ESPNL: variants seen among roughly 807,000 people sequenced by gnomAD.
The protein encoded by ESPNL is espin like, also known as espin-like protein.
Under a neutral mutation model 46.8 loss-of-function variants are expected in ESPNL, and 49 were observed. The ratio of observed to expected loss-of-function variants is 1.05; its 90% CI spans 0.83 to 1.33. The LOEUF (loss-of-function observed/expected upper bound fraction) is 1.33. Ranked by LOEUF, ESPNL falls within the 40% of genes most tolerant of loss-of-function variation. The pLI is 0.00. For missense variants in ESPNL, 1,540 were observed against 1,436.6 expected (o/e 1.07, Z -1.16); for synonymous variants, 664 against 662.1 (o/e 1.00, Z -0.04).
chr2:238,101,947 G>A lies in ESPNL; in HGVS notation c.301G>A (p.Asp101Asn). ...CCTACCCGGGGCTTGGTAGGACCAA[G>A]ATGCCTCGGGCGTCTCCCCGCTGCA... ...REGGCGLQDQ[D>N]ASGVSPLHLA... The change falls in exon 2 of 9, where the codon GAT becomes AAT. Residue 101 changes from aspartate (D) to asparagine (N), a missense_variant. Physicochemically the swap from Asp to Asn is conservative, Grantham distance 23 (BLOSUM62 1). Coordinates refer to ENST00000343063, the MANE Select transcript of ESPNL (RefSeq NM_194312.4). 1 of 1,607,888 alleles carries A rather than the reference G, an allele frequency of 6.2e-7. No homozygotes were observed. The highest frequency in any genetic ancestry group is 8.5e-7 in the Non-Finnish European group (1 of 1,178,952).
At chr2:238,105,488 G>A (rs1296703001) in intron 3 of ESPNL, among the ~76,000 whole-genome samples, 3 of 148,146 alleles carry the variant, frequency 2.0e-5, no homozygotes, top group Non-Finnish European at 4.5e-5. Flanking sequence ...ACTCCAGCCT[G>A]GGCAACAAAG....
chr2:238,125,471 G>A lies in ESPNL; in HGVS notation c.1102+87G>A, dbSNP rs966377763. On this transcript the variant is annotated intron_variant, in intron 6 of 8. Transcript: ENST00000343063. ...CTCCCCTCCGAGGTCCTGGACCGGT[G>A]GGCAAGTCTGCGGGCAGCCGGGCAC... The A allele has an allele frequency of 2.5e-5, 18 of 730,518 alleles. No homozygotes were observed. In the African/African-American group the frequency reaches 3.2e-4, roughly 13 times the overall value. The allele number at this position is 730,518 out of a possible 1,614,324, so 45.3% of individuals were successfully genotyped here.
intron 3 of ESPNL, among the ~76,000 whole-genome samples, chr2:238,107,525 A>G (rs190588236): frequency 6.8e-6 from 1 of 146,638 alleles, no homozygotes; most frequent in African/African-American, 2.5e-5. Flanking sequence ...ATTTGCCATG[A>G]TGTTTGCTTT....
At chr2:238,106,473 C>T (rs1325254789) in intron 3 of ESPNL, among the ~76,000 whole-genome samples, 1 of 152,216 alleles carries the variant, frequency 6.6e-6, no homozygotes, top group Non-Finnish European at 1.5e-5. Flanking sequence ...ACTGCAGCCC[C>T]TCCCGGTGCC....
chr2:238,129,176 G>A lies in ESPNL; in HGVS notation c.1413+272G>A, dbSNP rs879510173. On this transcript the variant is annotated intron_variant, in intron 8 of 8. Coordinates refer to ENST00000343063, the MANE Select transcript of ESPNL (RefSeq NM_194312.4). Reference sequence around the variant, plus strand: ...CACATGCCTGCCTGTGCCAAGCGTTGTTCTAGGCCTTCCTGGGCGCAGCGT... The same window carrying A: ...CACATGCCTGCCTGTGCCAAGCGTTATTCTAGGCCTTCCTGGGCGCAGCGT... 1.3e-4 allele frequency: 183 copies of A among 1,376,586 alleles called. 1 individual carries two copies. Among genetic ancestry groups the A allele is most frequent in the Non-Finnish European group, 4.2e-5 (45 of 1,067,828 alleles). 85.3% of individuals were successfully genotyped at this position (1,376,586 alleles called of 1,614,324 possible).
At chr2:238,116,849 A>G (rs926963426) in intron 4 of ESPNL, 54 bp from the exon 5 acceptor site, 8 of 1,596,532 alleles carry the variant, frequency 5.0e-6, no homozygotes, top group South Asian at 3.4e-5. Flanking sequence ...GGCCAGTCCC[A>G]TGGGCACCTG....
At position 238,130,624 on chromosome 2, in the gene ESPNL, C is replaced by G. The variant is rs775364656; in HGVS notation, c.1910C>G (p.Pro637Arg). The G allele has an allele frequency of 6.4e-7, 1 of 1,562,626 alleles. No individual in the cohort carries two copies. The highest frequency in any genetic ancestry group is 2.4e-5 in the East Asian group (1 of 42,210). The change falls in exon 9 of 9, where the codon CCT becomes CGT. Residue 637 changes from proline (P) to arginine (R), a missense_variant. Physicochemically the swap from Pro to Arg is moderately radical, Grantham distance 103. Coordinates refer to ENST00000343063, the MANE Select transcript of ESPNL (RefSeq NM_194312.4). ...TGCAGGGAGGCCTCGGCCAGCCCCC[C>G]TCGGAGCGAGGCCCAGCGCCAGATC... is the stretch of plus-strand genomic sequence containing the variant. ...DTCREASASP[P>R]RSEAQRQIQE...
At chr2:238,121,754 GC>G (rs1455414178) in intron 5 of ESPNL, among the ~76,000 whole-genome samples, 4 of 152,254 alleles carry the variant, frequency 2.6e-5, no homozygotes, top group Non-Finnish European at 5.9e-5. Flanking sequence ...TGAGGCGCCT[GC>G]CCTGGTGGGC....
chr2:238,117,285 G>C (rs1202459095), intron 5 of ESPNL, among the ~76,000 whole-genome samples: 1 of 152,216 alleles, frequency 6.6e-6, no homozygotes, highest in African/African-American at 2.4e-5. Context: ...GTGGGGCCAG[G>C]GCTGTGACAA....
At chr2:238,105,741 C>A (rs1422710727) in intron 3 of ESPNL, among the ~76,000 whole-genome samples, 1 of 152,040 alleles carries the variant, frequency 6.6e-6, no homozygotes, top group African/African-American at 2.4e-5. Context: ...TCCTGAGGGT[C>A]CTGGGGAGCC....
rs1184595204 is a variant in ESPNL at position 238,132,681 on chromosome 2, G to C, written c.*949G>C. The C allele has an allele frequency of 6.5e-6, 1 of 152,800 alleles. No individual in the cohort carries two copies. Among genetic ancestry groups the C allele is most frequent in the Non-Finnish European group, 1.5e-5 (1 of 68,440 alleles). The allele number at this position is 152,800 out of a possible 1,614,324, so 9.5% of individuals were successfully genotyped here. ...GATTCCGTCCTCGGGGGCTCTGGGT[G>C]CTGCGGAGTATTCCTGGGCATGGTG... On this transcript the variant is annotated 3_prime_UTR_variant, in exon 9 of 9. Transcript: ENST00000343063.
rs1394828993 is a variant in ESPNL, at chr2:238,100,425, G to A, written c.6G>A (p.Glu2=). Residue 2 remains glutamate (E), a synonymous_variant, in exon 1 of 9, where the codon GAG becomes GAA. Coordinates refer to ENST00000343063, the MANE Select transcript of ESPNL (RefSeq NM_194312.4). ...CTGAGAGCCCGGGCCAGAGGATGGA[G>A]AAGCAGCGGGCACTCGTGGCCGCCA... is the stretch of plus-strand genomic sequence containing the variant. The part of the protein sequence containing the change: M[E]KQRALVAAKD... 3 of 1,599,972 alleles carry A rather than the reference G, an allele frequency of 1.9e-6. No individual in the cohort carries two copies. Among genetic ancestry groups the A allele is most frequent in the Admixed American group, 3.4e-5 (2 of 58,186 alleles).
chr2:238,113,844 C>T (rs778742889), intron 4 of ESPNL, among the ~76,000 whole-genome samples: 2 of 152,252 alleles, frequency 1.3e-5, no homozygotes, highest in Non-Finnish European at 2.9e-5. Flanking sequence ...TGCGGGAGGA[C>T]GGCACATCAT....
chr2:238,105,139 G>A (rs1045578641), intron 3 of ESPNL, among the ~76,000 whole-genome samples: 1 of 152,178 alleles, frequency 6.6e-6, no homozygotes, highest in Non-Finnish European at 1.5e-5. Context: ...TGCTCTCACA[G>A]TTGGTGGTGG....
chr2:238,123,755 G>A (rs763570191), intron 5 of ESPNL, among the ~76,000 whole-genome samples: 5 of 152,198 alleles, frequency 3.3e-5, no homozygotes, highest in Admixed American at 3.3e-4. Flanking sequence ...GGGGCTGGGC[G>A]GTTGCTCCCC....
chr2:238,121,565 T>C (rs1691987740), intron 5 of ESPNL, among the ~76,000 whole-genome samples: 3 of 152,294 alleles, frequency 2.0e-5, no homozygotes, highest in East Asian at 3.9e-4. Context: ...ACCCAGCTAA[T>C]TTTTGTATTT....
chr2:238,119,428 GGAGGAGGGGAGGTGGAGGA>G (rs1559263972), intron 5 of ESPNL, among the ~76,000 whole-genome samples: 2 of 139,048 alleles, frequency 1.4e-5, no homozygotes, highest in Admixed American at 7.0e-5. Context: ...GAGGGTAGAT[GGAGGAGGGGAGGTGGAGGA>G]GAGGAGGTTA....
At chr2:238,107,331 T>C (rs1214648366) in intron 3 of ESPNL, among the ~76,000 whole-genome samples, 3 of 152,088 alleles carry the variant, frequency 2.0e-5, no homozygotes, top group Non-Finnish European at 4.4e-5. Context: ...CTGGCTCGAA[T>C]CCAGGCCCTG....
In ESPNL at chr2:238,104,809, C is replaced by T. The variant is rs1418453268; in HGVS notation, c.639C>T (p.Ala213=). ...LDGMSALHAA[A]ARGHYSLVVW... ...GCATGAGCGCCCTGCACGCTGCCGC[C>T]GCCCGTGGCCACTACTCCCTCGTCG... The change falls in exon 3 of 9, where the codon GCC becomes GCT. Residue 213 remains alanine, a synonymous_variant. Transcript: ENST00000343063. 1.5e-5 allele frequency: 24 copies of T among 1,552,762 alleles called. No homozygotes were observed. The highest frequency in any genetic ancestry group is 7.1e-5 in the South Asian group (6 of 84,794).
Sources: gnomAD v4.1 joint callset for allele counts (sites outside exome capture counted in the v4.1 genomes callset) on GRCh38, gnomAD v4.1.1 for gene constraint, MANE v1.5 for transcripts, NCBI Gene and HGNC (gene_info 2026-07-23, HGNC 2026-07-21) for gene names.